The following RBFOX3 variants were observed in gnomAD, a reference collection of about 807,000 sequenced individuals.
RBFOX3 encodes RNA binding fox-1 homolog 3, also known as RNA binding protein fox-1 homolog 3.
RBFOX3 carries 17 observed loss-of-function variants against 48.7 expected under a neutral mutation model. That is an observed-to-expected ratio of 0.35 (90% CI 0.24 to 0.52). RBFOX3 has a LOEUF of 0.52. Ranked by LOEUF, RBFOX3 falls within the 20% of genes least tolerant of loss-of-function variation. RBFOX3 has a pLI of 0.94. For synonymous variants in RBFOX3, 212 were observed against 209.5 expected (o/e 1.01, Z -0.10); for missense variants, 382 against 497.5 (o/e 0.77, Z 2.21).
chr17:79,336,993 G>A (rs563293959), intron 2 of RBFOX3, among the ~76,000 whole-genome samples: 8 of 152,278 alleles, frequency 5.3e-5, no homozygotes, highest in Admixed American at 2.0e-4. Flanking sequence ...GGTAGTGCAC[G>A]CCTGTAATCC....
At chr17:79,176,011 G>C (rs1393127817) in intron 4 of RBFOX3, among the ~76,000 whole-genome samples, 2 of 152,222 alleles carry the variant, frequency 1.3e-5, no homozygotes, top group Admixed American at 6.5e-5. Context: ...CTGTGACTGA[G>C]TTGTGTCTGT....
chr17:79,105,072 G>C (rs1171674236), intron 6 of RBFOX3, among the ~76,000 whole-genome samples: 2 of 152,206 alleles, frequency 1.3e-5, no homozygotes, highest in East Asian at 3.9e-4. Context: ...CAACACTTCT[G>C]AGGTCCCCAG....
chr17:79,146,925 C>G (rs975468864), intron 4 of RBFOX3, among the ~76,000 whole-genome samples: 1 of 152,224 alleles, frequency 6.6e-6, no homozygotes, highest in Non-Finnish European at 1.5e-5. Flanking sequence ...TTGGCTGCCC[C>G]CTTTGGCTTT....
At chr17:79,500,343 C>T (rs958306447) in intron 1 of RBFOX3, among the ~76,000 whole-genome samples, 168 of 151,320 alleles carry the variant, frequency 1.1e-3, no homozygotes, top group African/African-American at 4.0e-3. Flanking sequence ...CTGCAACCTC[C>T]GCCTCCGGGG....
intron 1 of RBFOX3, among the ~76,000 whole-genome samples, chr17:79,562,408 G>A (rs1848793944): frequency 6.6e-6 from 1 of 152,176 alleles, no homozygotes; most frequent in South Asian, 2.1e-4. Flanking sequence ...TAGCATGCAT[G>A]TTGGGTTTCG....
intron 2 of RBFOX3, among the ~76,000 whole-genome samples, chr17:79,318,803 C>A (rs1488690336): frequency 6.6e-5 from 9 of 136,018 alleles, no homozygotes; most frequent in African/African-American, 2.6e-4. Context: ...TGCAGTGAGC[C>A]GAGATTGCGC....
At chr17:79,168,436 C>T (rs763850752) in intron 4 of RBFOX3, among the ~76,000 whole-genome samples, 15 of 152,294 alleles carry the variant, frequency 9.8e-5, no homozygotes, top group Non-Finnish European at 1.9e-4. Context: ...AGCAATTTCT[C>T]TTCCTGATGT....
Position 79,391,878 on chromosome 17 carries a change from A to G in RBFOX3, c.-174-84054T>C. ...GAATCTGTTAAAAAAAAAAGGCTCC[A>G]GGCTGGACAAGCCCCAGGTCCCCTC... On this transcript the variant is annotated intron_variant, in intron 2 of 14. Transcript: ENST00000693108. This position sits in a 1 kb window ranked among gnomAD's most constrained non-coding sequence, Gnocchi z 5.0. 6.6e-6 allele frequency among the ~76,000 whole-genome samples: 1 copy of G among 151,436 alleles called. No homozygotes were observed. The highest frequency in any genetic ancestry group is 2.1e-4 in the South Asian group (1 of 4,800).
chr17:79,232,061 C>T (rs1337329534), intron 4 of RBFOX3, among the ~76,000 whole-genome samples: 1 of 152,174 alleles, frequency 6.6e-6, no homozygotes, highest in Non-Finnish European at 1.5e-5. Context: ...GCTTACAAAA[C>T]CATCAGATCT....
At chr17:79,593,917 G>A (rs1476054708) in intron 1 of RBFOX3, among the ~76,000 whole-genome samples, 1 of 152,144 alleles carries the variant, frequency 6.6e-6, no homozygotes, top group Non-Finnish European at 1.5e-5. Flanking sequence ...TGTTGGGGGT[G>A]GGAGGCACTT....
intron 2 of RBFOX3, among the ~76,000 whole-genome samples, chr17:79,444,202 A>G (rs2071760705): frequency 1.3e-5 from 2 of 152,120 alleles, no homozygotes; most frequent in African/African-American, 4.8e-5. Context: ...CAGACCGGAC[A>G]CCCACTTCAG....
intron 1 of RBFOX3, chr17:79,599,482 C>T (rs1199774524): frequency 2.6e-5 from 4 of 152,394 alleles, no homozygotes; most frequent in South Asian, 2.1e-4. Context: ...CGCTGCTATT[C>T]GTGCCGTGAC....
rs941510912 is a variant in RBFOX3 at position 79,418,493 on chromosome 17, C to T, written c.-175+63961G>A. ...GCCGTGTGTGTCAGCCAAGAGCCTGCGGCCTCTGGCCAAGAGCAAGAAGAA... is the reference window on the plus strand; with the variant it reads ...GCCGTGTGTGTCAGCCAAGAGCCTGTGGCCTCTGGCCAAGAGCAAGAAGAA... On this transcript the variant is annotated intron_variant, in intron 2 of 14. Coordinates refer to ENST00000693108, the MANE Select transcript of RBFOX3 (RefSeq NM_001350451.2). The surrounding 1 kb of genome is among the most constrained non-coding windows in gnomAD (Gnocchi z 5.0). Among the ~76,000 whole-genome samples, 14 of 152,328 alleles carry T rather than the reference C, an allele frequency of 9.2e-5. No homozygotes were observed. Among genetic ancestry groups the T allele is most frequent in the African/African-American group, 2.6e-4 (11 of 41,576 alleles).
In RBFOX3 at chr17:79,115,708, T is replaced by C; in HGVS notation, c.8A>G (p.Gln3Arg). Residue 3 changes from glutamine (Q) to arginine (R), a missense_variant, in exon 5 of 15, where the codon CAG becomes CGG. By Grantham distance (43) the Gln-to-Arg change is conservative (BLOSUM62 1). Coordinates refer to ENST00000693108, the MANE Select transcript of RBFOX3 (RefSeq NM_001350451.2). ...GGGGTACTGGGCGGGGGGGTAGGGC[T>C]GGGCCATCGCTTCAGGCGGAGCCGT... MA[Q>R]PYPPAQYPPP... The C allele has an allele frequency of 1.6e-6, 1 of 636,962 alleles. No homozygotes were observed. The highest frequency in any genetic ancestry group is 2.7e-6 in the Non-Finnish European group (1 of 368,176). The allele number at this position is 636,962 out of a possible 1,614,324, so 39.5% of individuals were successfully genotyped here.
chr17:79,106,578 C>T, intron 6 of RBFOX3, 73 bp downstream of exon 6: 1 of 1,388,702 alleles, frequency 7.2e-7, no homozygotes. Context: ...GGCAGGAAGG[C>T]AGGGCCTGTG....
chr17:79,371,917 G>T (rs148566253), intron 2 of RBFOX3, among the ~76,000 whole-genome samples: 3 of 152,228 alleles, frequency 2.0e-5, no homozygotes, highest in Non-Finnish European at 4.4e-5. Context: ...ACCAAAACCA[G>T]GATCAGAGGA....
At chr17:79,428,411 G>A (rs994221525) in intron 2 of RBFOX3, among the ~76,000 whole-genome samples, 4 of 152,180 alleles carry the variant, frequency 2.6e-5, no homozygotes, top group African/African-American at 9.7e-5. Context: ...ACAAGTCCAG[G>A]GACACGGTAT....
chr17:79,331,230 C>T (rs1237023306), intron 2 of RBFOX3, among the ~76,000 whole-genome samples: 1 of 152,210 alleles, frequency 6.6e-6, no homozygotes, highest in African/African-American at 2.4e-5. Context: ...CGGCCACCAT[C>T]TCCCATGCTC....
chr17:79,156,724 G>A (rs554736067), intron 4 of RBFOX3, among the ~76,000 whole-genome samples: 5 of 152,196 alleles, frequency 3.3e-5, no homozygotes, highest in East Asian at 1.9e-4. Context: ...TGTGTGGCCC[G>A]GAGAGACTAG....
Sources: allele counts gnomAD v4.1 joint callset (sites outside exome capture counted in the v4.1 genomes callset), GRCh38; gene constraint gnomAD v4.1.1; non-coding constraint Gnocchi (gnomAD v3.1); transcripts MANE v1.5; gene names NCBI Gene and HGNC (gene_info 2026-07-23, HGNC 2026-07-21).